Variants in RPL21 observed in about 807,000 individuals in gnomAD.
RPL21 encodes large ribosomal subunit protein eL21.
Under a neutral mutation model 21.2 loss-of-function variants are expected in RPL21, and 1 was observed. The observed-to-expected ratio is 0.05, with a 90% CI of 0.02 to 0.22. The LOEUF (loss-of-function observed/expected upper bound fraction) is 0.22. Ranked by LOEUF, RPL21 falls within the 10% of genes least tolerant of loss-of-function variation. The probability of loss-of-function intolerance (pLI) is 1.00; values close to 1 mark genes in which losing one functional copy is unlikely to be tolerated. For missense variants in RPL21, 113 were observed against 199.4 expected (o/e 0.57, Z 2.61); for synonymous variants, 52 against 62.9 (o/e 0.83, Z 0.82).
At position 27,253,855 on chromosome 13, in the gene RPL21, T is replaced by C. The variant is rs766578529; in HGVS notation, c.67+12T>C. On this transcript the variant is annotated intron_variant, in intron 2 of 5. Coordinates refer to ENST00000311549, the MANE Select transcript of RPL21 (RefSeq NM_000982.4). ...TTTTAGAAAACATGGTAAGTAGGTT[T>C]ACCTTCCTTGAGAGAAGCATGGCAC... 1.3e-6 allele frequency: 2 copies of C among 1,505,402 alleles called. No individual in the cohort carries two copies. The highest frequency in any genetic ancestry group is 1.1e-5 in the South Asian group (1 of 88,924). 93.3% of individuals were successfully genotyped at this position (1,505,402 alleles called of 1,614,324 possible). A position where few individuals can be genotyped will look rare whatever the true frequency, so the allele number is the denominator to read the frequency against.
In RPL21 at chr13:27,255,244, A is replaced by G. The variant is rs772209039; in HGVS notation, c.132A>G (p.Gly44=). Residue 44 remains glycine (G), a splice_region_variant and synonymous_variant, in exon 4 of 6, where the codon GGA becomes GGG. Coordinates refer to ENST00000311549, the MANE Select transcript of RPL21 (RefSeq NM_000982.4). The part of the protein sequence containing the change: ...YKKGDIVDIK[G]MGTVQKGMPH... ...TATAACATTGGTTTCTTTAATAGGG[A>G]ATGGGTACTGTTCAAAAAGGAATGC... 4 of 1,259,782 alleles carry G rather than the reference A, an allele frequency of 3.2e-6. No homozygotes were observed. Among genetic ancestry groups the G allele is most frequent in the South Asian group, 2.4e-5 (2 of 84,132 alleles). 78.0% of individuals were successfully genotyped at this position (1,259,782 alleles called of 1,614,324 possible).
intron 1 of RPL21, among the ~76,000 whole-genome samples, chr13:27,252,217 A>G (rs1004214402): frequency 6.6e-6 from 1 of 152,166 alleles, no homozygotes; most frequent in African/African-American, 2.4e-5. Context: ...TTGACCCCAC[A>G]TGGTGATCGG....
Position 27,255,332 on chromosome 13 carries a change from A to G in RPL21, c.220A>G (p.Ile74Val). 1.4e-6 allele frequency: 2 copies of G among 1,400,520 alleles called. No individual in the cohort carries two copies. Among genetic ancestry groups the G allele is most frequent in the Non-Finnish European group, 2.0e-6 (2 of 984,962 alleles). 86.8% of individuals were successfully genotyped at this position (1,400,520 alleles called of 1,614,324 possible). A position where few individuals can be genotyped will look rare whatever the true frequency, so the allele number is the denominator to read the frequency against. ...CAATGTTACCCAGCATGCTGTTGGC[A>G]TTGTTGTAAACAAACAAGTTAAGTA... ...VYNVTQHAVG[I>V]VVNKQVKGKI... Residue 74 changes from isoleucine to valine, a missense_variant, in exon 4 of 6, where the codon ATT becomes GTT. Transcript: ENST00000311549.
chr13:27,255,745 T>G (rs1881872470), intron 4 of RPL21: 2 of 359,412 alleles, frequency 5.6e-6, no homozygotes, highest in Middle Eastern at 9.7e-4. Flanking sequence ...CTAAATTTTT[T>G]GTATTCTTAG....
Position 27,253,748 on chromosome 13 carries a change from C to T in RPL21, c.-12-17C>T, listed in dbSNP as rs778981572. On this transcript the variant is annotated splice_polypyrimidine_tract_variant and intron_variant, in intron 1 of 5. Transcript: ENST00000311549. ...CAGTTTTCAGTCGTATTTGACTGTT[C>T]TGCTTTCTGGTTTCAGTAATTCGCC... The T allele has an allele frequency of 2.1e-6, 3 of 1,462,730 alleles. No homozygotes were observed. Among genetic ancestry groups the T allele is most frequent in the Admixed American group, 1.7e-5 (1 of 59,806 alleles). 90.6% of individuals were successfully genotyped at this position (1,462,730 alleles called of 1,614,324 possible). A position where few individuals can be genotyped will look rare whatever the true frequency, so the allele number is the denominator to read the frequency against.
intron 3 of RPL21, 118 bp from the exon 4 acceptor site, chr13:27,255,124 G>T (rs777618893): frequency 1.3e-6 from 1 of 777,232 alleles, no homozygotes; most frequent in Non-Finnish European, 2.4e-6. Context: ...CATTTCACCG[G>T]CTCTGAAAGC....
intron 4 of RPL21, 70 bp from the exon 5 acceptor site, chr13:27,256,114 G>A: frequency 8.2e-7 from 1 of 1,215,640 alleles, no homozygotes; most frequent in East Asian, 2.5e-5. Flanking sequence ...AAATGAAACT[G>A]CAAAATCAGT....
At position 27,255,048 on chromosome 13, in the gene RPL21, T is replaced by C. The variant is rs191672228; in HGVS notation, c.130-194T>C. Reference sequence around the variant, plus strand: ...TGTTCTTCTGTGACCTGGATTTAAATGTATCTTGGCACTCGAGCTTAATGA... The same window carrying C: ...TGTTCTTCTGTGACCTGGATTTAAACGTATCTTGGCACTCGAGCTTAATGA... On this transcript the variant is annotated intron_variant, in intron 3 of 5. Transcript: ENST00000311549. The C allele has an allele frequency of 1.8e-4, 132 of 751,936 alleles. No individual in the cohort carries two copies. The African/African-American group carries it at 2.1e-3, about 12-fold the overall frequency. 46.6% of individuals were successfully genotyped at this position (751,936 alleles called of 1,614,324 possible). A position where few individuals can be genotyped will look rare whatever the true frequency, so the allele number is the denominator to read the frequency against.
intron 1 of RPL21, 65 bp downstream of exon 1, chr13:27,251,650 C>G (rs974137128): frequency 1.1e-4 from 17 of 152,318 alleles, no homozygotes; most frequent in Admixed American, 8.5e-4. Context: ...ACCTTGTGGC[C>G]TCAGAGGTCG....
intron 1 of RPL21, among the ~76,000 whole-genome samples, chr13:27,252,779 A>G (rs1272763630): frequency 1.3e-5 from 2 of 152,172 alleles, no homozygotes; most frequent in Non-Finnish European, 2.9e-5. Flanking sequence ...TTGCTATACA[A>G]TTTTTATAAA....
intron 2 of RPL21, 30 bp from the exon 3 acceptor site, chr13:27,254,190 A>G (rs777015109): frequency 2.2e-6 from 3 of 1,392,502 alleles, no homozygotes; most frequent in South Asian, 1.2e-5. Flanking sequence ...TTTAGCCTTA[A>G]TACTCACTAT....
At chr13:27,252,685 A>G (rs1171624466) in intron 1 of RPL21, among the ~76,000 whole-genome samples, 1 of 152,216 alleles carries the variant, frequency 6.6e-6, no homozygotes, top group Non-Finnish European at 1.5e-5. Flanking sequence ...GGCTTTGGGG[A>G]TTGGAACAGA....
intron 1 of RPL21, among the ~76,000 whole-genome samples, chr13:27,253,499 T>C (rs541417890): frequency 1.3e-5 from 2 of 152,368 alleles, no homozygotes; most frequent in Non-Finnish European, 2.9e-5. Context: ...TATATTCTCA[T>C]AGAGAAAGGG....
chr13:27,253,036 A>G (rs1264670218), intron 1 of RPL21, among the ~76,000 whole-genome samples: 1 of 152,234 alleles, frequency 6.6e-6, no homozygotes, highest in African/African-American at 2.4e-5. Flanking sequence ...ATAATGATAA[A>G]TTAGCTGCCG....
chr13:27,254,113 C>T, intron 2 of RPL21, 107 bp from the exon 3 acceptor site: 1 of 794,716 alleles, frequency 1.3e-6, no homozygotes, highest in Non-Finnish European at 2.3e-6. Flanking sequence ...AGATAATAAG[C>T]ATGTAACCAT....
chr13:27,255,965 A>G (rs1307591332), intron 4 of RPL21: 12 of 534,544 alleles, frequency 2.2e-5, no homozygotes, highest in Non-Finnish European at 3.7e-5. Flanking sequence ...AGAGACCATC[A>G]TCTCATCAAA....
At chr13:27,252,292 G>A (rs555088948) in intron 1 of RPL21, among the ~76,000 whole-genome samples, 2 of 152,286 alleles carry the variant, frequency 1.3e-5, no homozygotes, top group South Asian at 4.1e-4. Context: ...ACTGTTTTGC[G>A]AATTCTAGGG....
At chr13:27,253,129 A>T (rs935987861) in intron 1 of RPL21, among the ~76,000 whole-genome samples, 2 of 152,224 alleles carry the variant, frequency 1.3e-5, no homozygotes, top group Non-Finnish European at 2.9e-5. Flanking sequence ...GTTCACCCCT[A>T]TTTTACAAAT....
chr13:27,255,612 C>T (rs1048428473), intron 4 of RPL21: 3 of 576,570 alleles, frequency 5.2e-6, no homozygotes, highest in South Asian at 1.5e-5. Flanking sequence ...TGCTCTGTCG[C>T]CCTGGCTGGA....
Sources: allele counts gnomAD v4.1 joint callset (sites outside exome capture counted in the v4.1 genomes callset), GRCh38; gene constraint gnomAD v4.1.1; transcripts MANE v1.5; gene names NCBI Gene and HGNC (gene_info 2026-07-23, HGNC 2026-07-21).